PLXNA3: variants seen among roughly 807,000 people sequenced by gnomAD.
The protein encoded by PLXNA3 is plexin-A3.
A neutral mutation model predicts 118.8 loss-of-function variants in PLXNA3; 52 were observed. The ratio of observed to expected loss-of-function variants is 0.44; its 90% CI spans 0.35 to 0.55. PLXNA3 has a LOEUF of 0.55. Among genes scored for constraint, PLXNA3 ranks in the 20% least tolerant of loss-of-function variants. PLXNA3 has a pLI of 0.01. For missense variants in PLXNA3, 1,660 were observed against 1,730.8 expected, an observed-to-expected ratio of 0.96 and a Z score of 0.73; for synonymous variants, 925 against 762.4, an observed-to-expected ratio of 1.21 and a Z score of -3.51.
chrX:154,472,655 G>T lies in PLXNA3; in HGVS notation c.5586G>T (p.Gln1862His). ...RKHKLRQKLE[Q>H]IISLVSSDS is the part of the protein sequence containing the mutation. ...ATAAGTTGCGGCAGAAACTGGAACA[G>T]ATCATCAGCCTCGTGTCCAGCGACA... Residue 1862 changes from glutamine (Q) to histidine (H), a missense_variant, in exon 33 of 33, where the codon CAG becomes CAT. Around this residue, in one of 2 missense-constraint regions of PLXNA3, gnomAD observed 869 missense variants for 1,078.7 expected, o/e 0.81. Coordinates refer to ENST00000369682, the MANE Select transcript of PLXNA3 (RefSeq NM_017514.5). The T allele has an allele frequency of 8.3e-7, 1 of 1,203,735 alleles. No individual in the cohort carries two copies. Among genetic ancestry groups the T allele is most frequent in the Admixed American group, 2.2e-5 (1 of 45,885 alleles).
In PLXNA3 at chrX:154,477,212, A is replaced by G. The variant is rs2069241997; in HGVS notation, c.*4527A>G. 2 of 112,452 alleles carry G rather than the reference A, an allele frequency of 1.8e-5. No homozygotes were observed. Among genetic ancestry groups the G allele is most frequent in the Non-Finnish European group, 3.8e-5 (2 of 53,254 alleles). The allele number at this position is 112,452 out of a possible 1,213,427, so 9.3% of individuals were successfully genotyped here. A position where few individuals can be genotyped will look rare whatever the true frequency, so the allele number is the denominator to read the frequency against. ...TTTGTTGCCTCCATAGAGGGAAACA[A>G]GCCTACAGTTAAGAGCTGCTCTGGT... On this transcript the variant is annotated 3_prime_UTR_variant, in exon 33 of 33. Coordinates refer to ENST00000369682, the MANE Select transcript of PLXNA3 (RefSeq NM_017514.5).
At chrX:154,463,786 C>A in intron 6 of PLXNA3, 96 bp downstream of exon 6, 1 of 972,285 alleles carries the variant, frequency 1.0e-6, no homozygotes, top group Non-Finnish European at 1.4e-6. Context: ...TCCCCCCGCC[C>A]TCCTCCACTT....
intron 29 of PLXNA3, 69 bp from the exon 30 acceptor site, chrX:154,470,373 C>T (rs1314103111): frequency 2.7e-5 from 29 of 1,086,397 alleles, no homozygotes; most frequent in Non-Finnish European, 2.9e-5. Context: ...TTTCTGCCTC[C>T]ATCTGTCCTG....
intron 6 of PLXNA3, 37 bp downstream of exon 6, chrX:154,463,727 C>T (rs782610556): frequency 9.2e-7 from 1 of 1,087,687 alleles, no homozygotes; most frequent in Admixed American, 2.5e-5. Context: ...AGTTGGAGGG[C>T]CCCACTGGCC....
In PLXNA3 at chrX:154,471,514, C is replaced by G. The variant is rs1557209510; in HGVS notation, c.5396C>G (p.Ala1799Gly). 8.3e-7 allele frequency: 1 copy of G among 1,205,515 alleles called. No homozygotes were observed. The highest frequency in any genetic ancestry group is 2.2e-5 in the Admixed American group (1 of 45,828). The change falls in exon 32 of 33, where the codon GCA (alanine) becomes GGA (glycine). Residue 1799 changes from alanine to glycine, a missense_variant. By Grantham distance (60) the Ala-to-Gly change is moderately conservative (BLOSUM62 0). Coordinates refer to ENST00000369682, the MANE Select transcript of PLXNA3 (RefSeq NM_017514.5). ...TATTATCGAGACATTGCAAAGATGG[C>G]ATCCATCAGCGACCAGGACATGGAT... Reference protein sequence around the residue: ...ERYYRDIAKMASISDQDMDAY... With the variant: ...ERYYRDIAKMGSISDQDMDAY...
chrX:154,467,111 C>T lies in PLXNA3; in HGVS notation c.3162C>T (p.Pro1054=). The T allele has an allele frequency of 8.3e-7, 1 of 1,210,843 alleles. No individual in the cohort carries two copies. The highest frequency in any genetic ancestry group is 1.1e-6 in the Non-Finnish European group (1 of 895,260). Residue 1054 remains proline (P), a synonymous_variant, in exon 18 of 33, where the codon CCC becomes CCT. Transcript: ENST00000369682. ...SGTHLLTVQE[P]RVRAKYRGIE... ...CCCACCTGCTGACGGTCCAGGAGCC[C>T]CGGGTCCGTGCCAAGTACCGCGGCA...
chrX:154,460,370 C>G lies in PLXNA3; in HGVS notation c.187C>G (p.Leu63Val), dbSNP rs140961230. ...VFKLAPNLTE[L>V]RAHVTGPVED... ...TAAGCTGGCCCCCAACCTGACTGAG[C>G]TGCGGGCCCATGTCACGGGGCCCGT... The change falls in exon 2 of 33, where the codon CTG becomes GTG. Residue 63 changes from leucine to valine, a missense_variant. Transcript: ENST00000369682. The G allele has an allele frequency of 5.2e-5, 63 of 1,208,747 alleles. No homozygotes were observed. The African/African-American group carries it at 9.7e-4, about 19-fold the overall frequency.
chrX:154,471,544 A>G lies in PLXNA3; in HGVS notation c.5426A>G (p.Tyr1809Cys). Residue 1809 changes from tyrosine (Y) to cysteine (C), a missense_variant, in exon 32 of 33, where the codon TAC becomes TGC. This residue lies in a region of PLXNA3 where 869 missense variants were observed against 1,078.7 expected (regional missense o/e 0.81). Transcript: ENST00000369682. ...ASISDQDMDA[Y>C]LVEQSRLHAS... is the part of the protein sequence containing the mutation. ...ATCAGCGACCAGGACATGGATGCCTACCTGGTGGAGCAGTCCCGCCTCCAC... is the reference window on the plus strand; with the variant it reads ...ATCAGCGACCAGGACATGGATGCCTGCCTGGTGGAGCAGTCCCGCCTCCAC... 1 of 1,209,067 alleles carries G rather than the reference A, an allele frequency of 8.3e-7. No homozygotes were observed. Among genetic ancestry groups the G allele is most frequent in the Non-Finnish European group, 1.1e-6 (1 of 893,186 alleles).
chrX:154,468,791 G>GCAGC lies in PLXNA3; in HGVS notation c.4288-27_4288-24dup, dbSNP rs782418516. 2.5e-6 allele frequency: 3 copies of GCAGC among 1,209,852 alleles called. No homozygotes were observed. The African/African-American group carries it at 5.2e-5, about 21-fold the overall frequency. On this transcript the variant is annotated intron_variant, in intron 24 of 32. Transcript: ENST00000369682. ...AGAGGACCGGCCAGTGGTCAGGCAG[G>GCAGC]CAGCCAGCTGTGCACCTGTCCCTGG...
At chrX:154,463,039 T>C (rs1429457306) in intron 4 of PLXNA3, among the ~76,000 whole-genome samples, 1 of 111,272 alleles carries the variant, frequency 9.0e-6, no homozygotes, top group Non-Finnish European at 1.9e-5. Context: ...GAACGCGTAC[T>C]ATCCAATTCA....
rs1306777844 is a variant in PLXNA3 at position 154,475,104 on chromosome X, T to A, written c.*2419T>A. On this transcript the variant is annotated 3_prime_UTR_variant, in exon 33 of 33. Coordinates refer to ENST00000369682, the MANE Select transcript of PLXNA3 (RefSeq NM_017514.5). ...CCCAGCCAAGTGAGATGCAATTTTTTTTTTTTTTTTTTTTGAGACAGAGTT... is the reference window on the plus strand; with the variant it reads ...CCCAGCCAAGTGAGATGCAATTTTTATTTTTTTTTTTTTTGAGACAGAGTT... The A allele has an allele frequency of 3.0e-5, 3 of 101,421 alleles. No homozygotes were observed. The highest frequency in any genetic ancestry group is 6.1e-5 in the Non-Finnish European group (3 of 49,486). The allele number at this position is 101,421 out of a possible 1,213,427, so 8.4% of individuals were successfully genotyped here. A position where few individuals can be genotyped will look rare whatever the true frequency, so the allele number is the denominator to read the frequency against.
intron 14 of PLXNA3, 25 bp downstream of exon 14, chrX:154,466,105 G>C (rs1557206957): frequency 8.3e-7 from 1 of 1,208,113 alleles, no homozygotes; most frequent in Non-Finnish European, 1.1e-6. Flanking sequence ...GTGGGTGCCC[G>C]GGCCGTATGT....
At position 154,474,002 on chromosome X, in the gene PLXNA3, C is replaced by T. The variant is rs1268289684; in HGVS notation, c.*1317C>T. On this transcript the variant is annotated 3_prime_UTR_variant, in exon 33 of 33. Coordinates refer to ENST00000369682, the MANE Select transcript of PLXNA3 (RefSeq NM_017514.5). ...ATCATGTTGCCTCACTGTTTAGAAC[C>T]CTCCGGCGGTTTCAGCTGCAGCCAG... is the stretch of plus-strand genomic sequence containing the variant. The T allele has an allele frequency of 9.0e-6, 1 of 111,453 alleles. No homozygotes were observed. Among genetic ancestry groups the T allele is most frequent in the African/African-American group, 3.3e-5 (1 of 30,601 alleles). The allele number at this position is 111,453 out of a possible 1,213,427, so 9.2% of individuals were successfully genotyped here.
Position 154,460,455 on chromosome X carries a change from C to G in PLXNA3, c.272C>G (p.Ala91Gly), listed in dbSNP as rs142516376. 1.7e-5 allele frequency: 21 copies of G among 1,202,903 alleles called. No individual in the cohort carries two copies. The highest frequency in any genetic ancestry group is 2.2e-5 in the Non-Finnish European group (20 of 889,880). The change falls in exon 2 of 33, where the codon GCC (alanine) becomes GGC (glycine). Residue 91 changes from alanine (A) to glycine (G), a missense_variant. By Grantham distance (60) the Ala-to-Gly change is moderately conservative. Coordinates refer to ENST00000369682, the MANE Select transcript of PLXNA3 (RefSeq NM_017514.5). ...PSMRVCAHRL[A>G]PVDNINKLLL... ...ATGCGCGTGTGTGCCCACCGCCTGG[C>G]CCCCGTGGACAACATCAACAAGCTG...
In PLXNA3 at chrX:154,472,668, G is replaced by C; in HGVS notation, c.5599G>C (p.Val1867Leu). The C allele has an allele frequency of 8.3e-7, 1 of 1,197,941 alleles. No individual in the cohort carries two copies. The change falls in exon 33 of 33, where the codon GTG becomes CTG. Residue 1867 changes from valine (V) to leucine (L), a missense_variant. Physicochemically the swap from Val to Leu is conservative, Grantham distance 32. This residue lies in a region of PLXNA3 where 869 missense variants were observed against 1,078.7 expected (regional missense o/e 0.81). Transcript: ENST00000369682. ...RQKLEQIISL[V>L]SSDS Reference sequence around the variant, plus strand: ...GAAACTGGAACAGATCATCAGCCTCGTGTCCAGCGACAGCTAAGGTGGTGG... The same window carrying C: ...GAAACTGGAACAGATCATCAGCCTCCTGTCCAGCGACAGCTAAGGTGGTGG...
chrX:154,459,752 T>C (rs932625417), intron 1 of PLXNA3, among the ~76,000 whole-genome samples: 4 of 112,725 alleles, frequency 3.5e-5, no homozygotes, highest in Non-Finnish European at 7.5e-5. Context: ...TTCCTGGCCC[T>C]GCCCCTCTCC....
At chrX:154,464,536 G>C in intron 9 of PLXNA3, 35 bp downstream of exon 9, 2 of 1,097,201 alleles carry the variant, frequency 1.8e-6, no homozygotes, top group Middle Eastern at 2.6e-4. Context: ...CCTACCCCTG[G>C]GGATAGAGGG....
Position 154,470,095 on chromosome X carries a change from C to T in PLXNA3, c.4914C>T (p.Ala1638=), listed in dbSNP as rs1557208898. The change falls in exon 29 of 33, where the codon GCC becomes GCT. Residue 1638 remains alanine (A), a synonymous_variant. Transcript: ENST00000369682. ...LWHLVKNHDH[A]DHREGDRGSK... ...ACCTGGTGAAAAACCACGACCATGCCGACCATCGCGAGGGGGACCGTGGCA... is the reference window on the plus strand; with the variant it reads ...ACCTGGTGAAAAACCACGACCATGCTGACCATCGCGAGGGGGACCGTGGCA... The T allele has an allele frequency of 9.1e-6, 11 of 1,211,334 alleles. No homozygotes were observed. In the East Asian group the frequency reaches 1.2e-4, roughly 13 times the overall value.
chrX:154,462,762 G>A (rs782423905), intron 4 of PLXNA3, among the ~76,000 whole-genome samples: 1 of 111,188 alleles, frequency 9.0e-6, no homozygotes, highest in Non-Finnish European at 1.9e-5. Flanking sequence ...GGGCCCGGGG[G>A]CTGAAGCTGC....
Sources: gnomAD v4.1 joint callset for allele counts (sites outside exome capture counted in the v4.1 genomes callset) on GRCh38, gnomAD v4.1.1 for gene constraint, gnomAD v4.1.1 regional missense constraint, MANE v1.5 for transcripts, NCBI Gene and HGNC (gene_info 2026-07-23, HGNC 2026-07-21) for gene names.